NTM: variants seen among roughly 807,000 people sequenced by gnomAD.
NTM encodes the protein IgLON family member 2.
In NTM, 13 loss-of-function variants were observed where a neutral mutation model predicts 42.1. The ratio of observed to expected loss-of-function variants is 0.31; its 90% CI spans 0.20 to 0.49. The LOEUF is 0.49. Ranked by LOEUF, NTM falls within the 20% of genes least tolerant of loss-of-function variation. The pLI is 0.99. For synonymous variants in NTM, 187 were observed against 179.2 expected, an observed-to-expected ratio of 1.04 and a Z score of -0.35; for missense variants, 373 against 452.8, an observed-to-expected ratio of 0.82 and a Z score of 1.60.
At chr11:131,891,250 A>G (rs1485593094) in intron 1 of NTM, among the ~76,000 whole-genome samples, 1 of 152,192 alleles carries the variant, frequency 6.6e-6, no homozygotes, top group Admixed American at 6.5e-5. Flanking sequence ...CATTCAGAAG[A>G]GAGAGATCCC....
chr11:131,564,154 G>A (rs1326021740), intron 1 of NTM, among the ~76,000 whole-genome samples: 1 of 152,224 alleles, frequency 6.6e-6, no homozygotes, highest in Non-Finnish European at 1.5e-5. Flanking sequence ...GAATTAGTCA[G>A]TATCTACTCC....
At chr11:131,773,570 G>C (rs190660822) in intron 1 of NTM, among the ~76,000 whole-genome samples, 1 of 152,128 alleles carries the variant, frequency 6.6e-6, no homozygotes, top group African/African-American at 2.4e-5. Flanking sequence ...CTCCTTTTCA[G>C]CATTAGTCTC....
At chr11:131,980,127 C>G (rs2065021539) in intron 2 of NTM, among the ~76,000 whole-genome samples, 1 of 152,102 alleles carries the variant, frequency 6.6e-6, no homozygotes, top group Admixed American at 6.5e-5. Flanking sequence ...GAATGGATGT[C>G]AAAGGAAAAT....
chr11:131,922,690 G>T (rs1003069939), intron 2 of NTM, among the ~76,000 whole-genome samples: 31 of 152,100 alleles, frequency 2.0e-4, no homozygotes, highest in African/African-American at 7.2e-4. Flanking sequence ...CATCTTGCCT[G>T]GTCTCCTTGT....
chr11:131,565,679 A>G (rs988800508), intron 1 of NTM, among the ~76,000 whole-genome samples: 1 of 152,204 alleles, frequency 6.6e-6, no homozygotes, highest in Non-Finnish European at 1.5e-5. Context: ...TTTATCATAC[A>G]TTTGAGCCAT....
At chr11:132,081,950 A>T (rs11222910) in intron 2 of NTM, among the ~76,000 whole-genome samples, 23 of 72,982 alleles carry the variant, frequency 3.2e-4, no homozygotes, top group Non-Finnish European at 4.4e-4. Context: ...ATATATATTT[A>T]TATATATATA....
intron 1 of NTM, among the ~76,000 whole-genome samples, chr11:131,834,275 C>T (rs2043190632): frequency 6.6e-6 from 1 of 152,158 alleles, no homozygotes; most frequent in Admixed American, 6.5e-5. Flanking sequence ...TTCCTTCTCA[C>T]TCTATATTTT....
chr11:131,905,920 CT>C (rs796751749), intron 1 of NTM, among the ~76,000 whole-genome samples: 53 of 152,270 alleles, frequency 3.5e-4, no homozygotes, highest in African/African-American at 1.1e-3. Flanking sequence ...AGACAAATCA[CT>C]TCCCACAGGC....
At chr11:131,552,466 T>G (rs929740499) in intron 1 of NTM, among the ~76,000 whole-genome samples, 17 of 146,530 alleles carry the variant, frequency 1.2e-4, no homozygotes, top group African/African-American at 4.4e-4. Flanking sequence ...AAGAGGCCAC[T>G]GCACCTCCAG....
At chr11:131,778,200 C>T (rs991460518) in intron 1 of NTM, among the ~76,000 whole-genome samples, 2 of 152,214 alleles carry the variant, frequency 1.3e-5, no homozygotes, top group Admixed American at 6.5e-5. Context: ...AACATGCAAC[C>T]TCTACATGTA....
intron 1 of NTM, among the ~76,000 whole-genome samples, chr11:131,716,620 C>T (rs952521140): frequency 3.3e-5 from 5 of 152,146 alleles, no homozygotes; most frequent in African/African-American, 1.2e-4. Context: ...ATATTCAGCA[C>T]CTCTTTGTCT....
At position 131,598,683 on chromosome 11, in the gene NTM, T is replaced by TTTTCTTTTCTTTCTTTCTC. The variant is rs2060031336; in HGVS notation, c.82+227802_82+227803insTCTTTCTTTCTCTTTCTTT. Among the ~76,000 whole-genome samples, 2 of 74,812 alleles carry TTTTCTTTTCTTTCTTTCTC rather than the reference T, an allele frequency of 2.7e-5. 1 individual carries two copies. The highest frequency in any genetic ancestry group is 6.0e-5 in the Non-Finnish European group (2 of 33,604). The allele number at this position is 74,812 out of a possible 152,430, so 49.1% of individuals were successfully genotyped here. A position where few individuals can be genotyped will look rare whatever the true frequency, so the allele number is the denominator to read the frequency against. The stretch of plus-strand genomic sequence containing the variant: ...AGAACTACTACTCTCTTCTCATTTG[T>TTTTCTTTTCTTTCTTTCTC]TTTCTTTCTTTCTTTCTTTCTTTCT... On this transcript the variant is annotated intron_variant, in intron 1 of 8. Transcript: ENST00000683400.
At chr11:131,454,184 A>AT (rs59799849) in intron 1 of NTM, among the ~76,000 whole-genome samples, 152,352 of 152,354 alleles carry the variant, frequency 1, 76,175 homozygotes, top group Middle Eastern at 1. Context: ...ATTACAGACT[A>AT]TGTTATAATC....
chr11:131,391,227 G>A (rs565900542), intron 1 of NTM, among the ~76,000 whole-genome samples: 3 of 152,188 alleles, frequency 2.0e-5, no homozygotes, highest in African/African-American at 7.2e-5. Flanking sequence ...AGGTCTCTAT[G>A]TTTCCTGAGT....
At chr11:131,616,904 A>T (rs185040667) in intron 1 of NTM, among the ~76,000 whole-genome samples, 1 of 152,146 alleles carries the variant, frequency 6.6e-6, no homozygotes, top group East Asian at 1.9e-4. Context: ...GCTTTATGGC[A>T]AATGGGTTTT....
intron 1 of NTM, among the ~76,000 whole-genome samples, chr11:131,806,767 C>T (rs1441287048): frequency 1.3e-5 from 2 of 152,118 alleles, no homozygotes; most frequent in Non-Finnish European, 2.9e-5. Context: ...TTAGAAAAAC[C>T]AGTCCAATTC....
intron 2 of NTM, among the ~76,000 whole-genome samples, chr11:132,048,838 A>G (rs1450244703): frequency 3.1e-5 from 3 of 95,336 alleles, no homozygotes; most frequent in Non-Finnish European, 6.6e-5. Flanking sequence ...TTTTTTTTTT[A>G]TAGCAGCTAT....
At position 131,507,136 on chromosome 11, in the gene NTM, G is replaced by A. The variant is rs575695788; in HGVS notation, c.82+136248G>A. Among the ~76,000 whole-genome samples, 958 of 152,254 alleles carry A rather than the reference G, an allele frequency of 6.3e-3. 7 individuals carry two copies. The highest frequency in any genetic ancestry group is 0.022 in the African/African-American group (924 of 41,548). ...GCAAGATTATTTTCTTTCCACTTCA[G>A]GGATGAAAAATAACATGGCAGGCCT... is the stretch of plus-strand genomic sequence containing the variant. On this transcript the variant is annotated intron_variant, in intron 1 of 8. Transcript: ENST00000683400.
chr11:131,719,246 T>C (rs2078067555), intron 1 of NTM, among the ~76,000 whole-genome samples: 1 of 152,116 alleles, frequency 6.6e-6, no homozygotes, highest in Non-Finnish European at 1.5e-5. Flanking sequence ...CCTAATCTTG[T>C]TGTTGTTTCC....
Sources: gnomAD v4.1 joint callset for allele counts (sites outside exome capture counted in the v4.1 genomes callset) on GRCh38, gnomAD v4.1.1 for gene constraint, MANE v1.5 for transcripts, NCBI Gene and HGNC (gene_info 2026-07-23, HGNC 2026-07-21) for gene names.